The following TIMM44 variants were observed in gnomAD, a reference collection of about 807,000 sequenced individuals.
The protein encoded by TIMM44 is mitochondrial import inner membrane translocase subunit TIM44.
In TIMM44, 37 loss-of-function variants were observed where a neutral mutation model predicts 63.8. That is an observed-to-expected ratio of 0.58 (90% CI 0.45 to 0.76). TIMM44 has a LOEUF of 0.76. Ranked by LOEUF, TIMM44 falls within the 30% of genes least tolerant of loss-of-function variation. TIMM44 has a pLI of 0.00. For synonymous variants in TIMM44, 239 were observed against 245.1 expected (o/e 0.98, Z 0.23); for missense variants, 573 against 603.8 (o/e 0.95, Z 0.54).
chr19:7,931,307 G>A (rs1173630232), intron 9 of TIMM44, 119 bp from the exon 10 acceptor site: 14 of 922,430 alleles, frequency 1.5e-5, no homozygotes, highest in Non-Finnish European at 2.5e-5. Context: ...ACCCCCGGCT[G>A]CCACCTGTGG....
rs1461697241 is a variant in TIMM44 at position 7,927,132 on chromosome 19, C to T, written c.*55G>A. On this transcript the variant is annotated 3_prime_UTR_variant, in exon 13 of 13. Coordinates refer to ENST00000270538, the MANE Select transcript of TIMM44 (RefSeq NM_006351.4). The stretch of plus-strand genomic sequence containing the variant: ...TCTGGAGTTGCCGCAGGTGGTGTTG[C>T]GGTGCCTCTGTGCCTGATGACCCAG... 8.3e-6 allele frequency: 13 copies of T among 1,562,278 alleles called. No individual in the cohort carries two copies. In the East Asian group the frequency reaches 1.4e-4, roughly 17 times the overall value.
In TIMM44 at chr19:7,943,416, G is replaced by A. The variant is rs1388123540; in HGVS notation, c.45+191C>T. On this transcript the variant is annotated intron_variant, in intron 1 of 12. Coordinates refer to ENST00000270538, the MANE Select transcript of TIMM44 (RefSeq NM_006351.4). This position sits in a 1 kb window ranked among gnomAD's most constrained non-coding sequence, Gnocchi z 4.3. Reference sequence around the variant, plus strand: ...CGCATCGCCGCCCCCTGCCCGGTAAGCTCGGTCCCCGCCCTCAGGCCACGC... The same window carrying A: ...CGCATCGCCGCCCCCTGCCCGGTAAACTCGGTCCCCGCCCTCAGGCCACGC... Among the ~76,000 whole-genome samples the A allele has an allele frequency of 6.6e-6, 1 of 152,154 alleles. No homozygotes were observed. The highest frequency in any genetic ancestry group is 1.5e-5 in the Non-Finnish European group (1 of 68,022).
intron 9 of TIMM44, chr19:7,931,625 G>A (rs1420141741): frequency 1.5e-5 from 3 of 204,338 alleles, no homozygotes; most frequent in African/African-American, 2.3e-5. Flanking sequence ...GGGACCGGCT[G>A]CCTCCTAACT....
At chr19:7,928,056 C>G (rs745541892) in intron 11 of TIMM44, 21 bp downstream of exon 11, 1 of 1,607,642 alleles carries the variant, frequency 6.2e-7, no homozygotes, top group East Asian at 2.2e-5. Context: ...GTGGCCCGGG[C>G]CCCCACTGCG....
Position 7,934,288 on chromosome 19 carries a change from G to C in TIMM44, c.394-50C>G. 1 of 1,593,094 alleles carries C rather than the reference G, an allele frequency of 6.3e-7. No individual in the cohort carries two copies. The highest frequency in any genetic ancestry group is 8.5e-7 in the Non-Finnish European group (1 of 1,170,346). ...GGCGTTGGCACCGGCCCTGGCGGCC[G>C]GGGGGCGGGGCAGGAGGAATGAATT... On this transcript the variant is annotated intron_variant, in intron 4 of 12. Transcript: ENST00000270538. This position sits in a 1 kb window ranked among gnomAD's most constrained non-coding sequence, Gnocchi z 5.3.
At position 7,932,706 on chromosome 19, in the gene TIMM44, A is replaced by T. The variant is rs1381726854; in HGVS notation, c.908T>A (p.Ile303Asn). ...GTCAAAGGCCGGGTCCACCCGGAGG[A>T]TCTCCGTGAGCACCTCCGACATCTC... ...KTEMSEVLTEILRVDPAFDKD... is the reference protein window; with the variant it reads ...KTEMSEVLTENLRVDPAFDKD... Residue 303 changes from isoleucine to asparagine, a missense_variant, in exon 9 of 13, where the codon ATC becomes AAC. Physicochemically the swap from Ile to Asn is moderately radical, Grantham distance 149 (BLOSUM62 -3). Coordinates refer to ENST00000270538, the MANE Select transcript of TIMM44 (RefSeq NM_006351.4). 6.2e-7 allele frequency: 1 copy of T among 1,614,064 alleles called. No homozygotes were observed. The highest frequency in any genetic ancestry group is 1.3e-5 in the African/African-American group (1 of 75,018).
rs930448526 is a variant in TIMM44, at chr19:7,931,618, A to T, written c.988-430T>A. 2.4e-5 allele frequency: 5 copies of T among 205,184 alleles called. No individual in the cohort carries two copies. In the South Asian group the frequency reaches 3.7e-4, roughly 15 times the overall value. 12.7% of individuals were successfully genotyped at this position (205,184 alleles called of 1,614,324 possible). A position where few individuals can be genotyped will look rare whatever the true frequency, so the allele number is the denominator to read the frequency against. On this transcript the variant is annotated intron_variant, in intron 9 of 12. Transcript: ENST00000270538. ...TTCGGACTGCAAGGCCCACCATGGG[A>T]CCGGCTGCCTCCTAACTGCTGGGGG...
At position 7,928,155 on chromosome 19, in the gene TIMM44, C is replaced by T; in HGVS notation, c.1050G>A (p.Gln350=). 2 of 1,613,710 alleles carry T rather than the reference C, an allele frequency of 1.2e-6. No homozygotes were observed. Among genetic ancestry groups the T allele is most frequent in the South Asian group, 2.2e-5 (2 of 91,032 alleles). ...KDWCYEATYS[Q]LAHPIQQAKA... ...TGGCCTGCTGGATGGGGTGGGCCAG[C>T]TGGCTGTAAGTCTGCAATGAGAGGC... Residue 350 remains glutamine, a synonymous_variant, in exon 11 of 13, where the codon CAG becomes CAA. Transcript: ENST00000270538.
intron 10 of TIMM44, chr19:7,928,923 C>CAAAAAAAAAAAAAAAAAAAAAAACA (rs1983894825): frequency 4.3e-5 from 3 of 70,058 alleles, no homozygotes; most frequent in East Asian, 8.7e-4. Flanking sequence ...AACAAAAAAC[C>CAAAAAAAAAAAAAAAAAAAAAAACA]AAAAAAAAAA....
At chr19:7,940,522 A>G (rs1178866107) in intron 2 of TIMM44, among the ~76,000 whole-genome samples, 1 of 152,134 alleles carries the variant, frequency 6.6e-6, no homozygotes, top group Admixed American at 6.5e-5. Flanking sequence ...AGAGGTAGGT[A>G]GCTGCCTCCA....
intron 8 of TIMM44, 36 bp downstream of exon 8, chr19:7,932,804 C>A: frequency 6.2e-7 from 1 of 1,614,134 alleles, no homozygotes; most frequent in South Asian, 1.1e-5. Context: ...CCCCGCCCCA[C>A]CACCAGCCTG....
intron 11 of TIMM44, 23 bp from the exon 12 acceptor site, chr19:7,927,790 G>A (rs764028635): frequency 1.0e-5 from 16 of 1,604,168 alleles, no homozygotes; most frequent in Non-Finnish European, 1.3e-5. Context: ...CGAGAGGGGG[G>A]ATGTGCCTCA....
chr19:7,941,324 G>C, intron 1 of TIMM44, 127 bp from the exon 2 acceptor site: 1 of 729,762 alleles, frequency 1.4e-6, no homozygotes, highest in Non-Finnish European at 2.4e-6. Flanking sequence ...TTTTGAGACG[G>C]AGTCTCAGGC....
rs1454124757 is a variant in TIMM44, at chr19:7,943,069, A to G, written c.45+538T>C. ...AAAAAAAAAAAAAGAGAAAAAAGAAAAAACGAAGAGCACGAGCAATATGAA... is the reference window on the plus strand; with the variant it reads ...AAAAAAAAAAAAAGAGAAAAAAGAAGAAACGAAGAGCACGAGCAATATGAA... On this transcript the variant is annotated intron_variant, in intron 1 of 12. Coordinates refer to ENST00000270538, the MANE Select transcript of TIMM44 (RefSeq NM_006351.4). The surrounding 1 kb of genome is among the most constrained non-coding windows in gnomAD (Gnocchi z 4.3). Among the ~76,000 whole-genome samples, 1 of 151,822 alleles carries G rather than the reference A, an allele frequency of 6.6e-6. No homozygotes were observed. The highest frequency in any genetic ancestry group is 2.4e-5 in the African/African-American group (1 of 41,362).
rs1983822436 is a variant in TIMM44, at chr19:7,926,968, A to G, written c.*219T>C. 1.7e-6 allele frequency: 1 copy of G among 599,490 alleles called. No homozygotes were observed. The highest frequency in any genetic ancestry group is 1.8e-5 in the South Asian group (1 of 54,466). 37.1% of individuals were successfully genotyped at this position (599,490 alleles called of 1,614,324 possible). On this transcript the variant is annotated 3_prime_UTR_variant, in exon 13 of 13. Transcript: ENST00000270538. ...CGGGACCCCTGCAGGGCAGAGCAACAGGGCAGGGGTTGGCCCTGCGGGGGA... is the reference window on the plus strand; with the variant it reads ...CGGGACCCCTGCAGGGCAGAGCAACGGGGCAGGGGTTGGCCCTGCGGGGGA...
intron 10 of TIMM44, among the ~76,000 whole-genome samples, chr19:7,929,525 G>A (rs1324652955): frequency 6.6e-6 from 1 of 152,176 alleles, no homozygotes; most frequent in Non-Finnish European, 1.5e-5. Flanking sequence ...GGGCTGTTTG[G>A]TTACCAGGGT....
chr19:7,933,905 C>A lies in TIMM44; in HGVS notation c.642G>T (p.Ala214=). The A allele has an allele frequency of 6.2e-7, 1 of 1,614,194 alleles. No homozygotes were observed. Among genetic ancestry groups the A allele is most frequent in the Non-Finnish European group, 8.5e-7 (1 of 1,180,036 alleles). ...CTTTCTCCTCCTTGAACTTATCTCC[C>A]GCAAACTCCGTTCTCTTCCGGAGTC... is the stretch of plus-strand genomic sequence containing the variant. ...PQRLRKRTEF[A]GDKFKEEKVF... Residue 214 remains alanine, a synonymous_variant, in exon 6 of 13, where the codon GCG becomes GCT. Transcript: ENST00000270538. This position sits in a 1 kb window ranked among gnomAD's most constrained non-coding sequence, Gnocchi z 4.3.
Position 7,926,935 on chromosome 19 carries a change from C to G in TIMM44, c.*252G>C. On this transcript the variant is annotated 3_prime_UTR_variant, in exon 13 of 13. Coordinates refer to ENST00000270538, the MANE Select transcript of TIMM44 (RefSeq NM_006351.4). The stretch of plus-strand genomic sequence containing the variant: ...TGTGACCTGTGTGCACCCCAGGTGA[C>G]CAGGCGCCGGGACCCCTGCAGGGCA... The G allele has an allele frequency of 1.0e-5, 5 of 501,566 alleles. No individual in the cohort carries two copies. The highest frequency in any genetic ancestry group is 1.8e-5 in the Non-Finnish European group (5 of 275,524). The allele number at this position is 501,566 out of a possible 1,614,324, so 31.1% of individuals were successfully genotyped here. A position where few individuals can be genotyped will look rare whatever the true frequency, so the allele number is the denominator to read the frequency against.
chr19:7,942,803 G>T (rs991942496), intron 1 of TIMM44, among the ~76,000 whole-genome samples: 1 of 151,506 alleles, frequency 6.6e-6, no homozygotes, highest in African/African-American at 2.4e-5. Flanking sequence ...TGGGATTACA[G>T]GAGCGCGCCA....
Sources: gnomAD v4.1 joint callset for allele counts (sites outside exome capture counted in the v4.1 genomes callset) on GRCh38, gnomAD v4.1.1 for gene constraint, Gnocchi (gnomAD v3.1) non-coding constraint, MANE v1.5 for transcripts, NCBI Gene and HGNC (gene_info 2026-07-23, HGNC 2026-07-21) for gene names.